ATAD2B: variants seen among roughly 807,000 people sequenced by gnomAD.
The protein encoded by ATAD2B is ATPase family AAA domain containing 2B.
ATAD2B carries 40 observed loss-of-function variants against 167.6 expected under a neutral mutation model. The ratio of observed to expected loss-of-function variants is 0.24; its 90% CI spans 0.19 to 0.31. The LOEUF is 0.31. Among genes scored for constraint, ATAD2B ranks in the 10% least tolerant of loss-of-function variants. ATAD2B has a pLI of 1.00. For missense variants in ATAD2B, 1,242 were observed against 1,757.2 expected, an observed-to-expected ratio of 0.71 and a Z score of 5.24; for synonymous variants, 579 against 596.5, an observed-to-expected ratio of 0.97 and a Z score of 0.43.
At chr2:23,861,111 T>C (rs1267964289) in intron 12 of ATAD2B, among the ~76,000 whole-genome samples, 1 of 151,526 alleles carries the variant, frequency 6.6e-6, no homozygotes, top group East Asian at 1.9e-4. Context: ...ACTATTTTTA[T>C]ATACATGAAA....
At chr2:23,760,175 G>A (rs1676470786) in intron 24 of ATAD2B, among the ~76,000 whole-genome samples, 1 of 152,158 alleles carries the variant, frequency 6.6e-6, no homozygotes, top group African/African-American at 2.4e-5. Flanking sequence ...TAATCTTTGG[G>A]AAGTAGGACT....
At chr2:23,744,421 T>C (rs925152363), downstream of ATAD2B, among the ~76,000 whole-genome samples, 13 of 152,194 alleles carry the variant, frequency 8.5e-5, no homozygotes, top group Admixed American at 2.6e-4. Context: ...TTAAAGATAT[T>C]AATCCCATTT....
intron 1 of ATAD2B, among the ~76,000 whole-genome samples, chr2:23,915,191 T>G (rs1311731326): frequency 6.6e-6 from 1 of 151,984 alleles, no homozygotes; most frequent in Non-Finnish European, 1.5e-5. Flanking sequence ...GAGAAAATAA[T>G]AAAATAAGCT....
Position 23,757,634 on chromosome 2 carries a change from C to T in ATAD2B, c.3862G>A (p.Gly1288Ser), listed in dbSNP as rs1176035658. Residue 1288 changes from glycine to serine, a missense_variant, in exon 25 of 28, where the codon GGC (glycine) becomes AGC (serine). Physicochemically the swap from Gly to Ser is moderately conservative, Grantham distance 56 (BLOSUM62 0). This residue lies in a region of ATAD2B where 282 missense variants were observed against 346.8 expected (regional missense o/e 0.81). Transcript: ENST00000238789. ...EGIPVLECQNGKLEVVSFCDS... is the reference protein window; with the variant it reads ...EGIPVLECQNSKLEVVSFCDS... The stretch of plus-strand genomic sequence containing the variant: ...CAGAAAGAAACTACTTCAAGCTTGC[C>T]ATTCTGACATTCCAGAACTGGTATT... 4 of 1,613,694 alleles carry T rather than the reference C, an allele frequency of 2.5e-6. No homozygotes were observed. Among genetic ancestry groups the T allele is most frequent in the Non-Finnish European group, 3.4e-6 (4 of 1,179,752 alleles).
At chr2:23,922,030 C>A (rs1704007604) in intron 1 of ATAD2B, among the ~76,000 whole-genome samples, 1 of 151,860 alleles carries the variant, frequency 6.6e-6, no homozygotes, top group Non-Finnish European at 1.5e-5. Flanking sequence ...TAAAGAAGGA[C>A]CTAGGGATTT....
At chr2:23,769,873 AG>A (rs1007780548) in intron 22 of ATAD2B, among the ~76,000 whole-genome samples, 3 of 151,476 alleles carry the variant, frequency 2.0e-5, no homozygotes, top group Non-Finnish European at 4.4e-5. Context: ...TAGTAGAGAC[AG>A]GGATTCACCA....
intron 17 of ATAD2B, among the ~76,000 whole-genome samples, chr2:23,818,888 C>T (rs1216243327): frequency 1.3e-5 from 2 of 152,166 alleles, no homozygotes; most frequent in Admixed American, 1.3e-4. Context: ...TGCTTTAACA[C>T]AGATAATAAA....
At chr2:23,716,597 C>T in the ATAD2B span, among the ~76,000 whole-genome samples, 19,809 of 152,174 alleles carry the variant, frequency 0.13, 1,711 homozygotes, top group Non-Finnish European at 0.18. Flanking sequence ...CTTTCCATTG[C>T]CTCCCAGTTT....
intron 23 of ATAD2B, among the ~76,000 whole-genome samples, chr2:23,763,872 G>T (rs10169079): frequency 6.6e-6 from 1 of 152,198 alleles, no homozygotes; most frequent in Non-Finnish European, 1.5e-5. Context: ...GATTACAGGC[G>T]TGAGCCACCA....
Position 23,907,750 on chromosome 2 carries a change from T to A in ATAD2B, c.217-11780A>T, listed in dbSNP as rs1045713198. ...GTGACTTCAAACTGTATTACAAGGC[T>A]ACAGTAACCAAAACAGCATGGTACT... On this transcript the variant is annotated intron_variant, in intron 1 of 27. Transcript: ENST00000238789. 5.3e-5 allele frequency among the ~76,000 whole-genome samples: 8 copies of A among 152,302 alleles called. No individual in the cohort carries two copies. In the South Asian group the frequency reaches 1.7e-3, roughly 32 times the overall value.
At chr2:23,762,467 T>C in intron 23 of ATAD2B, 121 bp from the exon 24 acceptor site, 1 of 910,910 alleles carries the variant, frequency 1.1e-6, no homozygotes, top group Non-Finnish European at 1.5e-6. Context: ...CTAGGGCAGT[T>C]TGCAGTTCCA....
At chr2:23,678,029 T>C in the ATAD2B span, among the ~76,000 whole-genome samples, 1 of 152,220 alleles carries the variant, frequency 6.6e-6, no homozygotes, top group African/African-American at 2.4e-5. Flanking sequence ...TTCTTTGCCT[T>C]TTAATATTTG....
At chr2:23,896,113 C>A in intron 1 of ATAD2B, 143 bp from the exon 2 acceptor site, 10 of 384,098 alleles carry the variant, frequency 2.6e-5, no homozygotes, top group Non-Finnish European at 4.5e-5. Flanking sequence ...GTCAGGAGTT[C>A]AAGACCAGAC....
At chr2:23,799,460 C>G (rs1683116880) in intron 18 of ATAD2B, among the ~76,000 whole-genome samples, 3 of 149,370 alleles carry the variant, frequency 2.0e-5, no homozygotes, top group Admixed American at 6.8e-5. Context: ...GTAGTCCCAG[C>G]TACTCAGGAG....
At chr2:23,894,007 T>G (rs1256068939) in intron 2 of ATAD2B, among the ~76,000 whole-genome samples, 6 of 152,106 alleles carry the variant, frequency 3.9e-5, no homozygotes, top group Non-Finnish European at 8.8e-5. Context: ...CATTGTCCTT[T>G]TGCCAAAACA....
intron 19 of ATAD2B, among the ~76,000 whole-genome samples, chr2:23,793,399 AT>A (rs1356198986): frequency 2.0e-5 from 3 of 152,046 alleles, no homozygotes; most frequent in Non-Finnish European, 4.4e-5. Flanking sequence ...AATATCTCTA[AT>A]TTATTTGCTT....
In ATAD2B at chr2:23,749,529, G is replaced by T. The variant is rs549654630; in HGVS notation, c.*2517C>A. On this transcript the variant is annotated 3_prime_UTR_variant, in exon 28 of 28. Transcript: ENST00000238789. The stretch of plus-strand genomic sequence containing the variant: ...TAAACTATAGAACCACCAGATATCT[G>T]TAAAATAAGCAAAACTGGTAAGTGT... 19 of 152,212 alleles carry T rather than the reference G, an allele frequency of 1.2e-4. No homozygotes were observed. Among genetic ancestry groups the T allele is most frequent in the African/African-American group, 4.3e-4 (18 of 41,542 alleles). 9.4% of individuals were successfully genotyped at this position (152,212 alleles called of 1,614,324 possible). A position where few individuals can be genotyped will look rare whatever the true frequency, so the allele number is the denominator to read the frequency against.
At chr2:23,821,370 T>C (rs1687422298) in intron 16 of ATAD2B, among the ~76,000 whole-genome samples, 2 of 152,204 alleles carry the variant, frequency 1.3e-5, no homozygotes, top group Non-Finnish European at 2.9e-5. Flanking sequence ...ATAACATATA[T>C]ATGAAATACA....
intron 13 of ATAD2B, among the ~76,000 whole-genome samples, chr2:23,853,186 G>A (rs1043109989): frequency 6.6e-6 from 1 of 152,084 alleles, no homozygotes; most frequent in Non-Finnish European, 1.5e-5. Context: ...GAAGGAAACA[G>A]GCAGTGATTT....
Sources: allele counts gnomAD v4.1 joint callset (sites outside exome capture counted in the v4.1 genomes callset), GRCh38; gene constraint gnomAD v4.1.1; regional missense constraint gnomAD v4.1.1; transcripts MANE v1.5; gene names NCBI Gene and HGNC (gene_info 2026-07-23, HGNC 2026-07-21).